The following CDH13 variants were observed in gnomAD, a reference collection of about 807,000 sequenced individuals.
CDH13 encodes the protein cadherin-13.
Under a neutral mutation model 63.8 loss-of-function variants are expected in CDH13, and 24 were observed. The observed-to-expected ratio is 0.38, with a 90% CI of 0.27 to 0.53. The LOEUF is 0.53. CDH13 is among the 20% of genes least tolerant of loss of function. The pLI is 0.85. For synonymous variants in CDH13, 503 were observed against 355.3 expected (o/e 1.42, Z -4.67); for missense variants, 1,049 against 903.1 (o/e 1.16, Z -2.07).
chr16:83,327,351 T>C (rs2090387795), intron 5 of CDH13, among the ~76,000 whole-genome samples: 1 of 152,234 alleles, frequency 6.6e-6, no homozygotes, highest in Non-Finnish European at 1.5e-5. Flanking sequence ...GAATCTTTAA[T>C]GCATTGTCTT....
At chr16:83,281,419 G>C (rs1490764450) in intron 5 of CDH13, among the ~76,000 whole-genome samples, 1 of 152,192 alleles carries the variant, frequency 6.6e-6, no homozygotes, top group African/African-American at 2.4e-5. Context: ...TGAGTAGTTT[G>C]ATCTTTTATC....
chr16:83,115,041 T>C (rs7187925), intron 3 of CDH13, among the ~76,000 whole-genome samples: 29,640 of 152,162 alleles, frequency 0.19, 3,311 homozygotes, highest in African/African-American at 0.3. Flanking sequence ...TTGTTCTCTC[T>C]GGGAAAATGT....
At chr16:82,649,947 G>T (rs532827205) in intron 1 of CDH13, among the ~76,000 whole-genome samples, 1 of 152,184 alleles carries the variant, frequency 6.6e-6, no homozygotes, top group South Asian at 2.1e-4. Context: ...ACAGTGCCCG[G>T]TGTGCTGTAA....
intron 3 of CDH13, among the ~76,000 whole-genome samples, chr16:83,055,619 C>T (rs1000069753): frequency 6.6e-6 from 1 of 151,742 alleles, no homozygotes; most frequent in African/African-American, 2.4e-5. Context: ...ACTCTGTAGC[C>T]TAAGATAATT....
chr16:83,340,816 T>C (rs577286595), intron 5 of CDH13, among the ~76,000 whole-genome samples: 1 of 152,270 alleles, frequency 6.6e-6, no homozygotes, highest in Non-Finnish European at 1.5e-5. Context: ...TCCTGCAACA[T>C]TGGATAACTG....
At chr16:83,659,493 C>T (rs1436152638) in intron 8 of CDH13, among the ~76,000 whole-genome samples, 1 of 152,250 alleles carries the variant, frequency 6.6e-6, no homozygotes, top group Non-Finnish European at 1.5e-5. Flanking sequence ...TAAAAGGGAC[C>T]TCAGTGGTTA....
intron 7 of CDH13, among the ~76,000 whole-genome samples, chr16:83,560,598 A>G (rs1257475696): frequency 6.6e-6 from 1 of 152,230 alleles, no homozygotes. Flanking sequence ...CCTACTATTT[A>G]GAGTTTCACT....
At chr16:83,280,296 TG>T (rs2089131119) in intron 5 of CDH13, among the ~76,000 whole-genome samples, 1 of 152,236 alleles carries the variant, frequency 6.6e-6, no homozygotes. Context: ...ATTTCAACTA[TG>T]TTCATAGTAG....
intron 2 of CDH13, among the ~76,000 whole-genome samples, chr16:82,883,487 G>A (rs796360315): frequency 3.3e-5 from 5 of 152,298 alleles, no homozygotes; most frequent in African/African-American, 1.2e-4. Flanking sequence ...GAATCTGCAT[G>A]TTTTCCATCG....
At chr16:83,458,370 C>G (rs1363369562) in intron 6 of CDH13, among the ~76,000 whole-genome samples, 2 of 152,238 alleles carry the variant, frequency 1.3e-5, no homozygotes, top group African/African-American at 4.8e-5. Context: ...CCTTCCACCT[C>G]TCCTAATTCC....
chr16:83,109,089 C>T (rs891216605), intron 3 of CDH13, among the ~76,000 whole-genome samples: 7 of 152,190 alleles, frequency 4.6e-5, no homozygotes, highest in African/African-American at 1.7e-4. Flanking sequence ...TATTGAGGTC[C>T]TGGTTGTCCT....
chr16:83,778,173 A>G (rs1185235135), intron 11 of CDH13, among the ~76,000 whole-genome samples: 1 of 152,242 alleles, frequency 6.6e-6, no homozygotes, highest in African/African-American at 2.4e-5. Flanking sequence ...ATGATTAAAG[A>G]TGAACTCAGA....
chr16:83,109,314 C>T (rs114722864), intron 3 of CDH13, among the ~76,000 whole-genome samples: 4 of 152,024 alleles, frequency 2.6e-5, no homozygotes, highest in Non-Finnish European at 5.9e-5. Flanking sequence ...ACCAAAGAAG[C>T]CTTTCATACG....
intron 6 of CDH13, among the ~76,000 whole-genome samples, chr16:83,418,559 G>A (rs1287458911): frequency 1.3e-5 from 2 of 152,142 alleles, no homozygotes; most frequent in African/African-American, 4.8e-5. Context: ...TACAAGTTAG[G>A]GTTTGATCCG....
intron 8 of CDH13, among the ~76,000 whole-genome samples, chr16:83,629,740 C>T (rs553033126): frequency 2.0e-4 from 30 of 152,286 alleles, no homozygotes; most frequent in African/African-American, 7.2e-4. Flanking sequence ...AATTTAAATC[C>T]CATCTCTTCA....
At chr16:82,931,233 A>G (rs1050584743) in intron 2 of CDH13, among the ~76,000 whole-genome samples, 6 of 152,260 alleles carry the variant, frequency 3.9e-5, no homozygotes, top group Non-Finnish European at 7.3e-5. Context: ...ACTACCCTGC[A>G]CAGAATTTTC....
At chr16:83,113,328 A>T (rs1413909998) in intron 3 of CDH13, among the ~76,000 whole-genome samples, 1 of 152,232 alleles carries the variant, frequency 6.6e-6, no homozygotes, top group East Asian at 1.9e-4. Flanking sequence ...TACTTATTAG[A>T]CACAATCGTG....
At chr16:83,410,637 T>C (rs942827303) in intron 6 of CDH13, among the ~76,000 whole-genome samples, 1 of 152,244 alleles carries the variant, frequency 6.6e-6, no homozygotes. Flanking sequence ...CTTTTATGTC[T>C]TTTTGGGTCA....
At chr16:83,106,638 A>C (rs6565126) in intron 3 of CDH13, among the ~76,000 whole-genome samples, 4 of 152,164 alleles carry the variant, frequency 2.6e-5, no homozygotes, top group African/African-American at 9.7e-5. Flanking sequence ...ATTGTGCCGC[A>C]ACTAAAATTA....
Sources: gnomAD v4.1 joint callset for allele counts (sites outside exome capture counted in the v4.1 genomes callset) on GRCh38, gnomAD v4.1.1 for gene constraint, MANE v1.5 for transcripts, NCBI Gene and HGNC (gene_info 2026-07-23, HGNC 2026-07-21) for gene names.